The following C11orf58 variants were observed in gnomAD, a reference collection of about 807,000 sequenced individuals.
C11orf58 encodes the protein small acidic protein.
In C11orf58, 5 loss-of-function variants were observed where a neutral mutation model predicts 22.7. That is an observed-to-expected ratio of 0.22 (90% CI 0.12 to 0.46). The LOEUF is 0.46. Ranked by LOEUF, C11orf58 falls within the 20% of genes least tolerant of loss-of-function variation. C11orf58 has a pLI of 0.99. For missense variants in C11orf58, 151 were observed against 223.3 expected (o/e 0.68, Z 2.06); for synonymous variants, 71 against 70.7 (o/e 1.00, Z -0.02).
intron 1 of C11orf58, among the ~76,000 whole-genome samples, chr11:16,743,501 T>G (rs900112938): frequency 3.9e-5 from 6 of 152,238 alleles, no homozygotes; most frequent in African/African-American, 1.4e-4. Context: ...GCAGTTAATT[T>G]TATCATGATT....
intron 3 of C11orf58, chr11:16,752,138 A>C (rs1213733185): frequency 5.5e-6 from 1 of 180,884 alleles, no homozygotes; most frequent in Non-Finnish European, 1.1e-5. Context: ...AGTTGCAGGG[A>C]AAACAAGCTC....
intron 3 of C11orf58, 42 bp from the exon 4 acceptor site, chr11:16,752,743 T>C (rs1285467226): frequency 2.2e-6 from 3 of 1,393,622 alleles, no homozygotes; most frequent in African/African-American, 1.4e-5. Context: ...GTGTAAATTA[T>C]TAATTTGACT....
chr11:16,748,871 A>C (rs1041566431), intron 3 of C11orf58, among the ~76,000 whole-genome samples: 4 of 152,174 alleles, frequency 2.6e-5, no homozygotes, highest in African/African-American at 9.7e-5. Context: ...CCAAGAAACT[A>C]ACCTTTTTCT....
Position 16,744,621 on chromosome 11 carries a change from G to C in C11orf58, c.84G>C (p.Glu28Asp). 6.2e-7 allele frequency: 1 copy of C among 1,613,856 alleles called. No individual in the cohort carries two copies. Among genetic ancestry groups the C allele is most frequent in the Non-Finnish European group, 8.5e-7 (1 of 1,179,884 alleles). The change falls in exon 2 of 5, where the codon GAG becomes GAC. Residue 28 changes from glutamate (E) to aspartate (D), a missense_variant. Glu to Asp is a conservative substitution (Grantham distance 45). Around this residue, in one of 3 missense-constraint regions of C11orf58, gnomAD observed 34 missense variants for 36.5 expected, o/e 0.93. Transcript: ENST00000228136. The stretch of plus-strand genomic sequence containing the variant: ...TCTAGCTGGGATCTAGCAATTGGGA[G>C]GCAGCAGACTTGGGTAATGAAGAGA... ...PDDDLGSSNW[E>D]AADLGNEERK...
intron 2 of C11orf58, among the ~76,000 whole-genome samples, chr11:16,745,897 T>C (rs1848484025): frequency 6.6e-6 from 1 of 152,192 alleles, no homozygotes; most frequent in Non-Finnish European, 1.5e-5. Flanking sequence ...AAAATGAAAT[T>C]CTGCTCTTTG....
chr11:16,752,933 T>G (rs770185853), intron 4 of C11orf58, 39 bp downstream of exon 4: 1 of 1,496,138 alleles, frequency 6.7e-7, no homozygotes, highest in Non-Finnish European at 9.2e-7. Context: ...GATAATTAGT[T>G]TTCAATTTGG....
rs569077209 is a variant in C11orf58, at chr11:16,739,813, T to A, written c.63+972T>A. 4.4e-4 allele frequency among the ~76,000 whole-genome samples: 67 copies of A among 152,212 alleles called. No homozygotes were observed. The South Asian group carries it at 6.2e-3, about 14-fold the overall frequency. On this transcript the variant is annotated intron_variant, in intron 1 of 4. Coordinates refer to ENST00000228136, the MANE Select transcript of C11orf58 (RefSeq NM_014267.6). Reference sequence around the variant, plus strand: ...TTTTTCGGTTTTGTTTAAAGTACTGTCAATTTCTGAATACATAGAGCTTTA... The same window carrying A: ...TTTTTCGGTTTTGTTTAAAGTACTGACAATTTCTGAATACATAGAGCTTTA...
chr11:16,752,235 A>G (rs1187406960), intron 3 of C11orf58: 2 of 153,812 alleles, frequency 1.3e-5, no homozygotes, highest in Non-Finnish European at 2.9e-5. Flanking sequence ...TACACAATAA[A>G]TGTAATACAC....
Position 16,738,742 on chromosome 11 carries a change from A to T in C11orf58, c.-37A>T. On this transcript the variant is annotated 5_prime_UTR_variant, in exon 1 of 5. Coordinates refer to ENST00000228136, the MANE Select transcript of C11orf58 (RefSeq NM_014267.6). ...GGTTTTGCGGCTGGGAAGAGCGGCG[A>T]GAGGGTTCGGCATTTTTCGTCGGGA... 6 of 1,611,296 alleles carry T rather than the reference A, an allele frequency of 3.7e-6. No individual in the cohort carries two copies. The highest frequency in any genetic ancestry group is 5.1e-6 in the Non-Finnish European group (6 of 1,178,310).
chr11:16,757,869 A>G lies in C11orf58; in HGVS notation c.*2765A>G, dbSNP rs11550904. On this transcript the variant is annotated 3_prime_UTR_variant, in exon 5 of 5. Coordinates refer to ENST00000228136, the MANE Select transcript of C11orf58 (RefSeq NM_014267.6). ...TCTAGTATAATTTTTTAAATCTGAG[A>G]GAATTGAAGGTACAGAAAAAAATTC... 0.033 allele frequency among the ~76,000 whole-genome samples: 5,044 copies of G among 152,326 alleles called. 123 individuals carry two copies. The highest frequency in any genetic ancestry group is 0.054 in the Non-Finnish European group (3,653 of 68,032).
chr11:16,741,737 C>T lies in C11orf58; in HGVS notation c.64-2864C>T, dbSNP rs577422505. Among the ~76,000 whole-genome samples, 19 of 152,336 alleles carry T rather than the reference C, an allele frequency of 1.2e-4. No homozygotes were observed. The South Asian group carries it at 2.5e-3, about 20-fold the overall frequency. On this transcript the variant is annotated intron_variant, in intron 1 of 4. Transcript: ENST00000228136. ...AGCGTGAACCCTGGTGTGAACTGCA[C>T]ATGCGAGTGATCTAGGTTGCACACT... is the stretch of plus-strand genomic sequence containing the variant.
rs555175902 is a variant in C11orf58 at position 16,740,143 on chromosome 11, T to A, written c.63+1302T>A. On this transcript the variant is annotated intron_variant, in intron 1 of 4. Coordinates refer to ENST00000228136, the MANE Select transcript of C11orf58 (RefSeq NM_014267.6). ...TTTGTCAGGAATTGATCCACACTTT[T>A]GAGTAACCTGGCTGCCACTTAAAAA... 9.2e-5 allele frequency among the ~76,000 whole-genome samples: 14 copies of A among 152,348 alleles called. No homozygotes were observed. The East Asian group carries it at 2.7e-3, about 29-fold the overall frequency.
intron 1 of C11orf58, among the ~76,000 whole-genome samples, chr11:16,739,164 C>T (rs1312855591): frequency 6.6e-6 from 1 of 152,080 alleles, no homozygotes; most frequent in East Asian, 1.9e-4. Flanking sequence ...CTTTCTCGGG[C>T]CTTTGTACTC....
chr11:16,742,616 A>C (rs1302942050), intron 1 of C11orf58, among the ~76,000 whole-genome samples: 1 of 152,186 alleles, frequency 6.6e-6, no homozygotes, highest in African/African-American at 2.4e-5. Flanking sequence ...TAGAAGTGCA[A>C]ATGGGTCCAG....
In C11orf58 at chr11:16,755,234, T is replaced by G. The variant is rs536934862; in HGVS notation, c.*130T>G. 68 of 1,125,262 alleles carry G rather than the reference T, an allele frequency of 6.0e-5. No homozygotes were observed. The South Asian group carries it at 9.9e-4, about 16-fold the overall frequency. 69.7% of individuals were successfully genotyped at this position (1,125,262 alleles called of 1,614,324 possible). Reference sequence around the variant, plus strand: ...GGCCCTTTTAAATAATTACAAAGAGTGTTTGCTTTCAAATGCCATGGGTTA... The same window carrying G: ...GGCCCTTTTAAATAATTACAAAGAGGGTTTGCTTTCAAATGCCATGGGTTA... On this transcript the variant is annotated 3_prime_UTR_variant, in exon 5 of 5. Coordinates refer to ENST00000228136, the MANE Select transcript of C11orf58 (RefSeq NM_014267.6).
chr11:16,738,941 A>T, intron 1 of C11orf58, 100 bp downstream of exon 1: 1 of 1,302,994 alleles, frequency 7.7e-7, no homozygotes, highest in Admixed American at 1.8e-5. Flanking sequence ...GGTGGCCTGC[A>T]GCGGGAGAGC....
intron 2 of C11orf58, among the ~76,000 whole-genome samples, chr11:16,744,889 T>C (rs567039860): frequency 2.0e-5 from 3 of 152,352 alleles, no homozygotes; most frequent in East Asian, 1.9e-4. Flanking sequence ...TCTGTCCGTA[T>C]AGTTTGAAGA....
At chr11:16,747,185 T>G (rs990396635) in intron 2 of C11orf58, 2 of 152,248 alleles carry the variant, frequency 1.3e-5, no homozygotes, top group Non-Finnish European at 2.9e-5. Context: ...CAACCTAAAC[T>G]AGTAACACAC....
At chr11:16,749,894 C>T (rs1045694128) in intron 3 of C11orf58, 2 of 152,224 alleles carry the variant, frequency 1.3e-5, no homozygotes, top group Non-Finnish European at 2.9e-5. Context: ...GGTTTTAAGT[C>T]AGAATCTGAC....
Sources: gnomAD v4.1 joint callset for allele counts (sites outside exome capture counted in the v4.1 genomes callset) on GRCh38, gnomAD v4.1.1 for gene constraint, gnomAD v4.1.1 regional missense constraint, MANE v1.5 for transcripts, NCBI Gene and HGNC (gene_info 2026-07-23, HGNC 2026-07-21) for gene names.